Variants in RBM25 observed in about 807,000 individuals in gnomAD.
RBM25 encodes the protein RNA binding motif protein 25.
A neutral mutation model predicts 120.7 loss-of-function variants in RBM25; 19 were observed. The ratio of observed to expected loss-of-function variants is 0.16; its 90% CI spans 0.11 to 0.23. The LOEUF is 0.23. Ranked by LOEUF, RBM25 falls within the 10% of genes least tolerant of loss-of-function variation. RBM25 has a pLI of 1.00. For synonymous variants in RBM25, 390 were observed against 326.7 expected (o/e 1.19, Z -2.09); for missense variants, 605 against 1,041.5 (o/e 0.58, Z 5.77).
intron 6 of RBM25, among the ~76,000 whole-genome samples, chr14:73,089,821 C>G (rs1594915202): frequency 6.6e-6 from 1 of 151,580 alleles, no homozygotes; most frequent in East Asian, 2.0e-4. Flanking sequence ...TGTCCGCCAC[C>G]AGGCTCGGCT....
intron 7 of RBM25, 134 bp downstream of exon 7, chr14:73,097,234 T>G: frequency 1.8e-6 from 1 of 559,228 alleles, no homozygotes; most frequent in East Asian, 4.3e-5. Flanking sequence ...GGAGGCTCAC[T>G]TTGTCTCCCA....
At chr14:73,073,409 C>A (rs996906723) in intron 2 of RBM25, among the ~76,000 whole-genome samples, 2 of 152,090 alleles carry the variant, frequency 1.3e-5, no homozygotes, top group African/African-American at 4.8e-5. Flanking sequence ...AAAATCAGGC[C>A]GGGCACAGTG....
intron 4 of RBM25, among the ~76,000 whole-genome samples, chr14:73,078,172 G>A (rs943769292): frequency 6.6e-6 from 1 of 152,016 alleles, no homozygotes; most frequent in Non-Finnish European, 1.5e-5. Context: ...GCGTGGTGGC[G>A]TGTGCCTGTA....
At chr14:73,096,224 G>A (rs1360646183) in intron 6 of RBM25, among the ~76,000 whole-genome samples, 2 of 152,074 alleles carry the variant, frequency 1.3e-5, no homozygotes, top group Admixed American at 6.5e-5. Flanking sequence ...ATCCGCCCCC[G>A]CCTCGGCCTC....
At chr14:73,113,237 G>A (rs1280160964) in intron 17 of RBM25, among the ~76,000 whole-genome samples, 1 of 151,838 alleles carries the variant, frequency 6.6e-6, no homozygotes, top group Non-Finnish European at 1.5e-5. Flanking sequence ...GTGGTGTTTG[G>A]TTTACACCAG....
intron 5 of RBM25, among the ~76,000 whole-genome samples, chr14:73,087,662 T>A (rs1895720172): frequency 6.6e-6 from 1 of 152,258 alleles, no homozygotes; most frequent in Admixed American, 6.5e-5. Flanking sequence ...CCCAAAGTGC[T>A]GGGATTACAG....
chr14:73,113,536 C>T (rs1309393940), intron 17 of RBM25, among the ~76,000 whole-genome samples: 1 of 151,732 alleles, frequency 6.6e-6, no homozygotes, highest in Non-Finnish European at 1.5e-5. Context: ...ACTAAAAAGT[C>T]AAAAATTGGG....
chr14:73,074,088 CAG>C (rs2140429210), intron 2 of RBM25, among the ~76,000 whole-genome samples: 1 of 152,258 alleles, frequency 6.6e-6, no homozygotes, highest in East Asian at 1.9e-4. Flanking sequence ...AGCCATCAAA[CAG>C]ATTAATAGTT....
rs1361567355 is a variant in RBM25, at chr14:73,120,579, G to A, written c.*774G>A. On this transcript the variant is annotated 3_prime_UTR_variant, in exon 19 of 19. Coordinates refer to ENST00000261973, the MANE Select transcript of RBM25 (RefSeq NM_021239.3). ...GGCTGCTTCAGCTTCTCTTTTAAAG[G>A]AATGTGGATCATAGTGATTTTTCCT... The A allele has an allele frequency of 6.6e-6, 1 of 152,274 alleles. No individual in the cohort carries two copies. The highest frequency in any genetic ancestry group is 1.5e-5 in the Non-Finnish European group (1 of 68,008). 9.4% of individuals were successfully genotyped at this position (152,274 alleles called of 1,614,324 possible). A position where few individuals can be genotyped will look rare whatever the true frequency, so the allele number is the denominator to read the frequency against.
chr14:73,075,212 A>C (rs150889849), intron 2 of RBM25, among the ~76,000 whole-genome samples: 1 of 151,834 alleles, frequency 6.6e-6, no homozygotes, highest in East Asian at 1.9e-4. Flanking sequence ...CCCAGGCTGG[A>C]GTGCAATGGT....
At chr14:73,076,244 G>T in intron 2 of RBM25, 75 bp from the exon 3 acceptor site, 1 of 1,160,914 alleles carries the variant, frequency 8.6e-7, no homozygotes, top group African/African-American at 1.5e-5. Context: ...TTATGAGTAA[G>T]GATACTTAAT....
At chr14:73,103,948 T>TCTCTCTCTCACACA (rs1594928335) in intron 10 of RBM25, among the ~76,000 whole-genome samples, 77 of 91,384 alleles carry the variant, frequency 8.4e-4, no homozygotes, top group Non-Finnish European at 1.6e-3. Flanking sequence ...TCTCTCTCTC[T>TCTCTCTCTCACACA]CACACACACA....
intron 15 of RBM25, 124 bp from the exon 16 acceptor site, chr14:73,111,404 A>G: frequency 8.7e-7 from 1 of 1,151,804 alleles, no homozygotes; most frequent in Non-Finnish European, 1.2e-6. Context: ...GTTATTTTTT[A>G]CAGTTGGGAT....
intron 1 of RBM25, among the ~76,000 whole-genome samples, chr14:73,071,296 A>G (rs1895285454): frequency 6.6e-6 from 1 of 151,906 alleles, no homozygotes; most frequent in Non-Finnish European, 1.5e-5. Context: ...TACCCATCTG[A>G]ATTCTCAGTT....
At chr14:73,068,169 TG>T in intron 1 of RBM25, 1 of 842,656 alleles carries the variant, frequency 1.2e-6, no homozygotes, top group Non-Finnish European at 2.0e-6. Flanking sequence ...GATGCTTTAG[TG>T]GTCTCTTGAT....
intron 5 of RBM25, among the ~76,000 whole-genome samples, chr14:73,086,416 G>A (rs989785243): frequency 1.4e-4 from 21 of 150,196 alleles, no homozygotes; most frequent in Non-Finnish European, 2.1e-4. Context: ...CCAGCCTGGT[G>A]ACAGCGCGAG....
At chr14:73,106,347 C>G in intron 12 of RBM25, 62 bp downstream of exon 12, 2 of 1,278,970 alleles carry the variant, frequency 1.6e-6, no homozygotes, top group Non-Finnish European at 2.2e-6. Context: ...ATCTTTACTG[C>G]TAACTACAAG....
chr14:73,068,928 TAGAC>T (rs1895209502), intron 1 of RBM25, among the ~76,000 whole-genome samples: 1 of 152,154 alleles, frequency 6.6e-6, no homozygotes, highest in African/African-American at 2.4e-5. Context: ...TTTATTTTTT[TAGAC>T]AGACTCTGTC....
At chr14:73,088,215 A>G in intron 6 of RBM25, 54 bp downstream of exon 6, 3 of 1,592,884 alleles carry the variant, frequency 1.9e-6, no homozygotes, top group Non-Finnish European at 2.6e-6. Context: ...ATTTCAGTGT[A>G]GTGCTTCTCA....
Sources: allele counts gnomAD v4.1 joint callset (sites outside exome capture counted in the v4.1 genomes callset), GRCh38; gene constraint gnomAD v4.1.1; transcripts MANE v1.5; gene names NCBI Gene and HGNC (gene_info 2026-07-23, HGNC 2026-07-21).